Variants in ARHGAP44 observed in about 807,000 individuals in gnomAD.
The protein encoded by ARHGAP44 is Rho GTPase activating protein 44, also known as rho GTPase-activating protein 44.
In ARHGAP44, 43 loss-of-function variants were observed where a neutral mutation model predicts 106.8. The ratio of observed to expected loss-of-function variants is 0.40; its 90% CI spans 0.32 to 0.52. The LOEUF (loss-of-function observed/expected upper bound fraction) is 0.52. Ranked by LOEUF, ARHGAP44 falls within the 20% of genes least tolerant of loss-of-function variation. The pLI, the probability that ARHGAP44 is intolerant of heterozygous loss-of-function variation, is 0.48. For synonymous variants in ARHGAP44, 439 were observed against 410.3 expected, an observed-to-expected ratio of 1.07 and a Z score of -0.85; for missense variants, 866 against 1,050.5, an observed-to-expected ratio of 0.82 and a Z score of 2.43.
chr17:12,864,995 A>C lies in ARHGAP44; in HGVS notation c.54-29945A>C, dbSNP rs575088678. Among the ~76,000 whole-genome samples the C allele has an allele frequency of 4.6e-5, 7 of 152,298 alleles. No individual in the cohort carries two copies. The South Asian group carries it at 6.2e-4, about 14-fold the overall frequency. ...AGATTCACTAGACTTAACATGAATA[A>C]CAAGAGTGCCTCGAGGAGAAAAAGA... On this transcript the variant is annotated intron_variant, in intron 1 of 20. Transcript: ENST00000379672.
At chr17:12,876,704 A>G (rs1226794380) in intron 1 of ARHGAP44, among the ~76,000 whole-genome samples, 1 of 151,918 alleles carries the variant, frequency 6.6e-6, no homozygotes, top group African/African-American at 2.4e-5. Flanking sequence ...CACGGACAGG[A>G]GATCGAGACC....
At chr17:12,809,651 A>G (rs2034380163) in intron 1 of ARHGAP44, among the ~76,000 whole-genome samples, 1 of 152,100 alleles carries the variant, frequency 6.6e-6, no homozygotes, top group Non-Finnish European at 1.5e-5. Flanking sequence ...TTGGGTGGGG[A>G]CACAGCCAAA....
At chr17:12,960,900 A>G (rs1253787807) in intron 16 of ARHGAP44, among the ~76,000 whole-genome samples, 1 of 152,200 alleles carries the variant, frequency 6.6e-6, no homozygotes, top group Non-Finnish European at 1.5e-5. Flanking sequence ...AAAAGAACAT[A>G]CTTAGAATCT....
intron 15 of ARHGAP44, 84 bp downstream of exon 15, chr17:12,956,830 C>T: frequency 8.6e-7 from 1 of 1,168,178 alleles, no homozygotes; most frequent in Non-Finnish European, 1.2e-6. Context: ...AGCCAAGTAC[C>T]ACTGCCCACA....
At chr17:12,823,325 G>A (rs546226221) in intron 1 of ARHGAP44, among the ~76,000 whole-genome samples, 1 of 152,196 alleles carries the variant, frequency 6.6e-6, no homozygotes, top group East Asian at 1.9e-4. Flanking sequence ...ACATCCTTTT[G>A]TCAGATCAGC....
At chr17:12,825,482 C>T (rs1023884146) in intron 1 of ARHGAP44, among the ~76,000 whole-genome samples, 1 of 151,882 alleles carries the variant, frequency 6.6e-6, no homozygotes, top group Admixed American at 6.6e-5. Flanking sequence ...AAGGAGTTGG[C>T]TCATGTGGTT....
rs529319240 is a variant in ARHGAP44, at chr17:12,814,612, C to T, written c.53+24721C>T. Among the ~76,000 whole-genome samples the T allele has an allele frequency of 1.3e-3, 204 of 152,148 alleles. 2 individuals carry two copies. Among genetic ancestry groups the T allele is most frequent in the Non-Finnish European group, 2.8e-3 (190 of 68,000 alleles). On this transcript the variant is annotated intron_variant, in intron 1 of 20. Coordinates refer to ENST00000379672, the MANE Select transcript of ARHGAP44 (RefSeq NM_014859.6). ...TAATTCTTTACTTGAATAGAGGCCACCGTGAAAGACAAGCAAGTTCATATA... is the reference window on the plus strand; with the variant it reads ...TAATTCTTTACTTGAATAGAGGCCATCGTGAAAGACAAGCAAGTTCATATA...
chr17:12,903,139 G>C (rs1285051515), intron 3 of ARHGAP44, among the ~76,000 whole-genome samples: 46 of 125,490 alleles, frequency 3.7e-4, no homozygotes, highest in African/African-American at 1.5e-3. Context: ...GAGAGAGAGA[G>C]AGTGTGTGTG....
At chr17:12,864,565 A>G (rs896464669) in intron 1 of ARHGAP44, among the ~76,000 whole-genome samples, 4 of 152,138 alleles carry the variant, frequency 2.6e-5, no homozygotes, top group African/African-American at 9.7e-5. Context: ...CTACCACTCA[A>G]CACAAATATC....
chr17:12,823,039 A>C (rs2034818042), intron 1 of ARHGAP44, among the ~76,000 whole-genome samples: 1 of 152,184 alleles, frequency 6.6e-6, no homozygotes, highest in African/African-American at 2.4e-5. Context: ...TCGACTCTGT[A>C]ATATAGGGTA....
At chr17:12,907,463 C>T (rs2037588965) in intron 3 of ARHGAP44, among the ~76,000 whole-genome samples, 1 of 152,202 alleles carries the variant, frequency 6.6e-6, no homozygotes, top group South Asian at 2.1e-4. Context: ...ACCCATTAAG[C>T]AGTCCTTCCC....
chr17:12,797,767 GT>G (rs2033967785), intron 1 of ARHGAP44, among the ~76,000 whole-genome samples: 1 of 150,854 alleles, frequency 6.6e-6, no homozygotes, highest in Non-Finnish European at 1.5e-5. Flanking sequence ...CTTTTTAAAA[GT>G]GTATATTAAG....
chr17:12,943,806 C>A, intron 9 of ARHGAP44, 137 bp downstream of exon 9: 1 of 1,036,358 alleles, frequency 9.6e-7, no homozygotes. Context: ...TTTGGACTTA[C>A]TTCCAAACTG....
intron 7 of ARHGAP44, among the ~76,000 whole-genome samples, chr17:12,939,382 A>G (rs1177118640): frequency 6.6e-6 from 1 of 152,212 alleles, no homozygotes; most frequent in Non-Finnish European, 1.5e-5. Flanking sequence ...GAAATTCAAT[A>G]CTAAACCTAA....
intron 1 of ARHGAP44, among the ~76,000 whole-genome samples, chr17:12,809,377 TTG>T (rs2034372313): frequency 1.3e-5 from 2 of 152,332 alleles, no homozygotes; most frequent in East Asian, 3.9e-4. Context: ...AGAGGTTTAA[TTG>T]ACTCACAGTT....
intron 20 of ARHGAP44, chr17:12,985,453 C>T (rs542111787): frequency 6.6e-6 from 1 of 152,324 alleles, no homozygotes; most frequent in South Asian, 2.1e-4. Flanking sequence ...CCACCAGACT[C>T]CCCTCCCTGG....
intron 1 of ARHGAP44, among the ~76,000 whole-genome samples, chr17:12,797,419 A>C (rs2033957685): frequency 6.6e-6 from 1 of 152,174 alleles, no homozygotes; most frequent in Non-Finnish European, 1.5e-5. Context: ...TTGTGTACTA[A>C]AAAATTTCAT....
At position 12,949,578 on chromosome 17, in the gene ARHGAP44, C is replaced by A; in HGVS notation, c.974-71C>A. 7.1e-7 allele frequency: 1 copy of A among 1,417,124 alleles called. No homozygotes were observed. The highest frequency in any genetic ancestry group is 9.9e-7 in the Non-Finnish European group (1 of 1,010,592). 87.8% of individuals were successfully genotyped at this position (1,417,124 alleles called of 1,614,324 possible). On this transcript the variant is annotated intron_variant, in intron 11 of 20. Coordinates refer to ENST00000379672, the MANE Select transcript of ARHGAP44 (RefSeq NM_014859.6). This position sits in a 1 kb window ranked among gnomAD's most constrained non-coding sequence, Gnocchi z 4.1. ...CATCCCCAGATGGAACCCACATAGG[C>A]AGTGCTGGCTGGTGGGTCTTGCCTC...
At chr17:12,966,474 A>C (rs2039394588) in intron 16 of ARHGAP44, among the ~76,000 whole-genome samples, 1 of 152,110 alleles carries the variant, frequency 6.6e-6, no homozygotes, top group African/African-American at 2.4e-5. Context: ...TGAAGAGAGG[A>C]GTTACTTCCA....
Sources: allele counts gnomAD v4.1 joint callset (sites outside exome capture counted in the v4.1 genomes callset), GRCh38; gene constraint gnomAD v4.1.1; non-coding constraint Gnocchi (gnomAD v3.1); transcripts MANE v1.5; gene names NCBI Gene and HGNC (gene_info 2026-07-23, HGNC 2026-07-21).